The following ZNF160 variants were observed in gnomAD, a reference collection of about 807,000 sequenced individuals.
The protein encoded by ZNF160 is zinc finger protein 160.
A neutral mutation model predicts 13.1 loss-of-function variants in ZNF160; 9 were observed. The observed-to-expected ratio is 0.69, with a 90% CI of 0.41 to 1.20. The LOEUF (loss-of-function observed/expected upper bound fraction) is 1.20. ZNF160 is among the 50% of genes most tolerant of loss of function. The probability of loss-of-function intolerance (pLI) is 0.01; values close to 1 mark genes in which losing one functional copy is unlikely to be tolerated. For synonymous variants in ZNF160, 293 were observed against 333.2 expected, an observed-to-expected ratio of 0.88 and a Z score of 1.31; for missense variants, 838 against 988.0, an observed-to-expected ratio of 0.85 and a Z score of 2.04.
At chr19:53,078,340 G>A (rs1434832426) in intron 3 of ZNF160, among the ~76,000 whole-genome samples, 2 of 152,100 alleles carry the variant, frequency 1.3e-5, no homozygotes, top group Non-Finnish European at 2.9e-5. Context: ...AGCCTAGGAG[G>A]TTGAAGGTAC....
chr19:53,099,700 A>G (rs8102799), intron 1 of ZNF160, among the ~76,000 whole-genome samples: 24,382 of 152,212 alleles, frequency 0.16, 2,257 homozygotes, highest in African/African-American at 0.23. Context: ...GGCACTCCCC[A>G]ATTCCTAGAA....
intron 2 of ZNF160, among the ~76,000 whole-genome samples, chr19:53,088,956 C>T (rs534154830): frequency 3.3e-5 from 5 of 152,340 alleles, no homozygotes; most frequent in African/African-American, 9.6e-5. Flanking sequence ...GCTTCCCTAA[C>T]ACTTTCCTTG....
chr19:53,084,667 A>G (rs1013027986), intron 3 of ZNF160, among the ~76,000 whole-genome samples: 1 of 152,162 alleles, frequency 6.6e-6, no homozygotes, highest in Admixed American at 6.6e-5. Context: ...ACCCACTCAG[A>G]CTCACAAGGA....
At position 53,068,974 on chromosome 19, in the gene ZNF160, A is replaced by C. The variant is rs2145433266; in HGVS notation, c.1560T>G (p.Val520=). ...KCNECGKAFS[V]RSSLTTHQAI... ...CCTGATGGGTAGTCAGACTTGAACGAACACTGAAGGCTTTCCCACACTCAT... is the reference window on the plus strand; with the variant it reads ...CCTGATGGGTAGTCAGACTTGAACGCACACTGAAGGCTTTCCCACACTCAT... Residue 520 remains valine, a synonymous_variant, in exon 6 of 6, where the codon GTT becomes GTG. Coordinates refer to ENST00000683776, the MANE Select transcript of ZNF160 (RefSeq NM_001322131.2). The C allele has an allele frequency of 6.2e-7, 1 of 1,609,738 alleles. No homozygotes were observed. The highest frequency in any genetic ancestry group is 1.7e-5 in the Admixed American group (1 of 59,620).
At chr19:53,099,799 C>T (rs1158059842) in intron 1 of ZNF160, among the ~76,000 whole-genome samples, 1 of 152,184 alleles carries the variant, frequency 6.6e-6, no homozygotes, top group Non-Finnish European at 1.5e-5. Flanking sequence ...CTGAGTCCCT[C>T]ACCTTCACGT....
Position 53,070,182 on chromosome 19 carries a change from A to C in ZNF160, c.352T>G (p.Leu118Val), listed in dbSNP as rs750130420. The change falls in exon 6 of 6, where the codon TTG becomes GTG. Residue 118 changes from leucine (L) to valine (V), a missense_variant. This residue lies in a region of ZNF160 where 387 missense variants were observed against 402.3 expected (regional missense o/e 0.96). Coordinates refer to ENST00000683776, the MANE Select transcript of ZNF160 (RefSeq NM_001322131.2). ...STEAVFHTVV[L>V]ERHESPDIED... ...ATGTCAGGGCTTTCGTGTCTTTCCA[A>C]CACCACTGTGTGGAATACTGCTTCT... 1.2e-6 allele frequency: 2 copies of C among 1,613,978 alleles called. No homozygotes were observed. Among genetic ancestry groups the C allele is most frequent in the Non-Finnish European group, 1.7e-6 (2 of 1,180,010 alleles).
At chr19:53,071,146 A>G (rs974847345) in intron 5 of ZNF160, among the ~76,000 whole-genome samples, 5 of 152,158 alleles carry the variant, frequency 3.3e-5, no homozygotes, top group East Asian at 1.9e-4. Flanking sequence ...CAGTGAGCCG[A>G]GATCGTGCCA....
intron 3 of ZNF160, among the ~76,000 whole-genome samples, chr19:53,083,695 T>C (rs1170824035): frequency 6.6e-6 from 1 of 151,982 alleles, no homozygotes; most frequent in African/African-American, 2.4e-5. Flanking sequence ...GGCCCAGGAG[T>C]TTGAGACCAG....
At chr19:53,074,352 T>C in intron 4 of ZNF160, 84 bp from the exon 5 acceptor site, 3 of 1,543,650 alleles carry the variant, frequency 1.9e-6, no homozygotes, top group Non-Finnish European at 1.7e-6. Context: ...ACATTATATG[T>C]GGATCTAAGA....
intron 1 of ZNF160, among the ~76,000 whole-genome samples, chr19:53,098,452 T>C: frequency 6.6e-6 from 1 of 152,138 alleles, no homozygotes; most frequent in Non-Finnish European, 1.5e-5. Context: ...GTCTAGATTC[T>C]AGAAGTTGGC....
chr19:53,072,816 A>G (rs1034912599), intron 5 of ZNF160: 9 of 409,784 alleles, frequency 2.2e-5, no homozygotes, highest in African/African-American at 2.0e-4. Flanking sequence ...GCACCATTGC[A>G]CTCCAGCCTG....
Position 53,075,107 on chromosome 19 carries a change from A to AG in ZNF160, c.91_92insC (p.Ile31ThrfsTer23). 1 of 1,614,184 alleles carries AG rather than the reference A, an allele frequency of 6.2e-7. No individual in the cohort carries two copies. The highest frequency in any genetic ancestry group is 1.1e-5 in the South Asian group (1 of 91,086). On this transcript the variant is annotated frameshift_variant, in exon 4 of 6. Transcript: ENST00000683776. LOFTEE classifies it high-confidence loss of function. ...CTCCAACATCACGTCCCTGTATAAG[A>AG]TCCTCTGAGCAGGGTCCAGGCATTT...
At chr19:53,097,392 G>A (rs147517854) in intron 1 of ZNF160, among the ~76,000 whole-genome samples, 1,694 of 147,572 alleles carry the variant, frequency 0.011, 32 homozygotes, top group African/African-American at 0.038. Flanking sequence ...TAGGATCCCC[G>A]TTGCCCTCTG....
chr19:53,094,270 C>G (rs907139551), intron 1 of ZNF160, among the ~76,000 whole-genome samples: 13 of 152,272 alleles, frequency 8.5e-5, no homozygotes, highest in Admixed American at 3.3e-4. Flanking sequence ...TGAAACGCCC[C>G]TGGACCTAAG....
chr19:53,082,159 T>G (rs8102965), intron 3 of ZNF160, among the ~76,000 whole-genome samples: 57,281 of 151,988 alleles, frequency 0.38, 11,321 homozygotes, highest in African/African-American at 0.48. Flanking sequence ...ATCTATCGGG[T>G]ACTATGTTCA....
At chr19:53,074,920 T>G (rs1013776956) in intron 4 of ZNF160, 137 bp downstream of exon 4, 2 of 1,160,766 alleles carry the variant, frequency 1.7e-6, no homozygotes, top group African/African-American at 3.1e-5. Context: ...AGGTTTCCCA[T>G]GATTAAGCTT....
chr19:53,098,065 TC>T (rs2085302209), intron 1 of ZNF160, among the ~76,000 whole-genome samples: 1 of 152,196 alleles, frequency 6.6e-6, no homozygotes, highest in African/African-American at 2.4e-5. Flanking sequence ...CATGCAAATC[TC>T]TGTGTCAGCA....
At chr19:53,094,146 T>G (rs1319478568) in intron 1 of ZNF160, among the ~76,000 whole-genome samples, 1 of 152,212 alleles carries the variant, frequency 6.6e-6, no homozygotes, top group East Asian at 1.9e-4. Context: ...AATTTATCTC[T>G]GAGATTTTCC....
intron 3 of ZNF160, 32 bp from the exon 4 acceptor site, chr19:53,075,215 T>TA (rs769842319): frequency 6.2e-7 from 1 of 1,608,372 alleles, no homozygotes; most frequent in East Asian, 2.2e-5. Context: ...ACCAAGTGGC[T>TA]AAGGGGAGAG....
Sources: gnomAD v4.1 joint callset for allele counts (sites outside exome capture counted in the v4.1 genomes callset) on GRCh38, gnomAD v4.1.1 for gene constraint, gnomAD v4.1.1 regional missense constraint, MANE v1.5 for transcripts, NCBI Gene and HGNC (gene_info 2026-07-23, HGNC 2026-07-21) for gene names.